KDM4C: variants seen among roughly 807,000 people sequenced by gnomAD.
KDM4C encodes lysine demethylase 4C.
In KDM4C, 81 loss-of-function variants were observed where a neutral mutation model predicts 129.3. The observed-to-expected ratio is 0.63, with a 90% CI of 0.52 to 0.75. The LOEUF is 0.75. KDM4C is among the 30% of genes least tolerant of loss of function. The pLI is 0.00. For missense variants in KDM4C, 1,457 were observed against 1,304.0 expected, an observed-to-expected ratio of 1.12 and a Z score of -1.81; for synonymous variants, 573 against 456.1, an observed-to-expected ratio of 1.26 and a Z score of -3.26.
intron 4 of KDM4C, among the ~76,000 whole-genome samples, chr9:6,819,597 G>T (rs1832681410): frequency 6.6e-6 from 1 of 152,162 alleles, no homozygotes. Flanking sequence ...GAGGAGTGTT[G>T]TAAACTGCTT....
chr9:6,805,640 T>C lies in KDM4C; in HGVS notation c.186T>C (p.Asp62=). ...AGTGGAAGCCAAGACAGTGCTATGATGACATTGATAATTTGCTCATTCCAG... is the reference window on the plus strand; with the variant it reads ...AGTGGAAGCCAAGACAGTGCTATGACGACATTGATAATTTGCTCATTCCAG... ...PKEWKPRQCY[D]DIDNLLIPAP... is the part of the protein sequence containing the mutation. The change falls in exon 3 of 22, where the codon GAT becomes GAC. Residue 62 remains aspartate (D), a synonymous_variant. Transcript: ENST00000381309. The C allele has an allele frequency of 1.2e-6, 2 of 1,614,034 alleles. No homozygotes were observed. The highest frequency in any genetic ancestry group is 1.7e-6 in the Non-Finnish European group (2 of 1,179,952).
chr9:6,770,802 A>C (rs866768595), intron 1 of KDM4C, among the ~76,000 whole-genome samples: 1 of 127,260 alleles, frequency 7.9e-6, no homozygotes, highest in East Asian at 2.2e-4. Context: ...TTGAGATGGA[A>C]TCTCGCTCTG....
At chr9:7,113,268 A>G (rs1316096143) in intron 18 of KDM4C, among the ~76,000 whole-genome samples, 2 of 152,240 alleles carry the variant, frequency 1.3e-5, no homozygotes, top group African/African-American at 4.8e-5. Context: ...CTCTCTCTCC[A>G]CTTATCCCAG....
chr9:6,834,953 G>A, intron 4 of KDM4C: 6 of 1,045,696 alleles, frequency 5.7e-6, no homozygotes, highest in Admixed American at 1.7e-5. Context: ...GCCCATCTGC[G>A]AGGGATATGC....
rs571360459 is a variant in KDM4C, at chr9:6,964,639, G to A, written c.922-16286G>A. 5.3e-5 allele frequency among the ~76,000 whole-genome samples: 8 copies of A among 152,040 alleles called. No individual in the cohort carries two copies. The East Asian group carries it at 5.8e-4, about 11-fold the overall frequency. ...TACTAAAAAATACAAAAAATTAGCC[G>A]GGTGTGGTGGTGGGCGCCTGTAGTC... On this transcript the variant is annotated intron_variant, in intron 8 of 21. Transcript: ENST00000381309.
chr9:7,119,521 T>C (rs956252941), intron 18 of KDM4C, among the ~76,000 whole-genome samples: 1 of 152,128 alleles, frequency 6.6e-6, no homozygotes, highest in Non-Finnish European at 1.5e-5. Context: ...ATCAACAACT[T>C]TGTAATCAGG....
At chr9:7,003,565 C>G (rs1199470960) in intron 12 of KDM4C, among the ~76,000 whole-genome samples, 1 of 151,822 alleles carries the variant, frequency 6.6e-6, no homozygotes, top group Non-Finnish European at 1.5e-5. Context: ...AGAGGTGATA[C>G]ATAAAGAACA....
intron 17 of KDM4C, 123 bp downstream of exon 17, chr9:7,049,323 T>G: frequency 2.0e-6 from 1 of 504,142 alleles, no homozygotes; most frequent in Non-Finnish European, 3.5e-6. Context: ...TTTTCTACCC[T>G]TATTTTCCTT....
chr9:6,834,236 A>G (rs1486894256), intron 4 of KDM4C, among the ~76,000 whole-genome samples: 1 of 151,922 alleles, frequency 6.6e-6, no homozygotes, highest in Non-Finnish European at 1.5e-5. Flanking sequence ...GGGTTTTGCC[A>G]TGTTGCCCAG....
At chr9:6,804,513 A>C (rs1829606672) in intron 2 of KDM4C, among the ~76,000 whole-genome samples, 1 of 152,014 alleles carries the variant, frequency 6.6e-6, no homozygotes, top group Non-Finnish European at 1.5e-5. Flanking sequence ...TAATCCCAAC[A>C]ATTTGGGAGG....
At chr9:6,745,212 C>T (rs1177937420) in intron 1 of KDM4C, among the ~76,000 whole-genome samples, 1 of 152,298 alleles carries the variant, frequency 6.6e-6, no homozygotes. Context: ...TCCCTCCAAT[C>T]TACAGTTCTC....
intron 1 of KDM4C, among the ~76,000 whole-genome samples, chr9:6,737,252 C>T (rs1295927960): frequency 2.0e-5 from 3 of 151,970 alleles, no homozygotes; most frequent in Non-Finnish European, 2.9e-5. Flanking sequence ...AGACAACCTA[C>T]AGACTGGGAA....
chr9:6,752,954 AAT>A (rs1466095704), upstream of KDM4C, among the ~76,000 whole-genome samples: 13 of 152,328 alleles, frequency 8.5e-5, no homozygotes, highest in Admixed American at 7.8e-4. Flanking sequence ...TATGATCATT[AAT>A]GGAAGAAGTG....
chr9:6,906,756 A>G (rs181101423), intron 8 of KDM4C, among the ~76,000 whole-genome samples: 40 of 152,228 alleles, frequency 2.6e-4, no homozygotes, highest in East Asian at 5.8e-4. Context: ...TGGTTTTTAA[A>G]AATTTCTCTT....
chr9:6,777,599 T>C (rs149010934), intron 1 of KDM4C, among the ~76,000 whole-genome samples: 2 of 152,318 alleles, frequency 1.3e-5, no homozygotes, highest in East Asian at 1.9e-4. Context: ...AAAGTTGTTA[T>C]ATCTGTTCTC....
intron 4 of KDM4C, among the ~76,000 whole-genome samples, chr9:6,842,312 CTTTTTTTTTTTTTT>C (rs759138371): frequency 2.1e-3 from 210 of 97,888 alleles, no homozygotes; most frequent in African/African-American, 8.6e-3. Flanking sequence ...ATCCACATTT[CTTTTTTTTTTTTTT>C]TTTTTTTTGA....
chr9:7,127,466 C>T (rs1840141971), intron 18 of KDM4C, among the ~76,000 whole-genome samples: 1 of 152,096 alleles, frequency 6.6e-6, no homozygotes, highest in Admixed American at 6.6e-5. Flanking sequence ...CATGAGGAAA[C>T]TTAAGACACA....
At chr9:7,092,774 G>C (rs552193144) in intron 17 of KDM4C, among the ~76,000 whole-genome samples, 13 of 152,232 alleles carry the variant, frequency 8.5e-5, no homozygotes, top group African/African-American at 3.1e-4. Flanking sequence ...TTGCCAGTGA[G>C]CCAGAACATA....
Position 6,849,695 on chromosome 9 carries a change from G to A in KDM4C, c.624G>A (p.Lys208=). The change falls in exon 5 of 22, where the codon AAG becomes AAA. Residue 208 remains lysine, a synonymous_variant. Coordinates refer to ENST00000381309, the MANE Select transcript of KDM4C (RefSeq NM_015061.6). ...ATTATCTCCACTTTGGAGAGCCCAA[G>A]TCTTGGCAAGTTACTTGTTTAATAT... ...SINYLHFGEP[K]SWYAIPPEHG... The A allele has an allele frequency of 6.4e-7, 1 of 1,551,074 alleles. No homozygotes were observed. The highest frequency in any genetic ancestry group is 2.3e-5 in the East Asian group (1 of 43,600).
Sources: allele counts gnomAD v4.1 joint callset (sites outside exome capture counted in the v4.1 genomes callset), GRCh38; gene constraint gnomAD v4.1.1; transcripts MANE v1.5; gene names NCBI Gene and HGNC (gene_info 2026-07-23, HGNC 2026-07-21).